Variants in MED13L observed in about 807,000 individuals in gnomAD.
The protein encoded by MED13L is mediator of RNA polymerase II transcription subunit 13-like.
Under a neutral mutation model 220.9 loss-of-function variants are expected in MED13L, and 7 were observed. That is an observed-to-expected ratio of 0.03 (90% CI 0.02 to 0.06). MED13L has a LOEUF of 0.06. MED13L is among the 10% of genes least tolerant of loss of function. MED13L has a pLI of 1.00. For missense variants in MED13L, 1,965 were observed against 2,760.5 expected, an observed-to-expected ratio of 0.71 and a Z score of 6.46; for synonymous variants, 1,011 against 1,015.2, an observed-to-expected ratio of 1.00 and a Z score of 0.08.
At chr12:116,271,006 C>A (rs1191297491) in intron 1 of MED13L, among the ~76,000 whole-genome samples, 8 of 134,428 alleles carry the variant, frequency 6.0e-5, no homozygotes, top group Non-Finnish European at 1.2e-4. Flanking sequence ...CGCACCACTG[C>A]ACTCCAGCCT....
intron 2 of MED13L, among the ~76,000 whole-genome samples, chr12:116,213,604 G>T (rs551114281): frequency 1.3e-5 from 2 of 152,180 alleles, no homozygotes; most frequent in South Asian, 4.1e-4. Context: ...GTAGAGACAG[G>T]GTTTCACCAT....
At chr12:115,985,159 C>CT (rs1877601574) in intron 19 of MED13L, among the ~76,000 whole-genome samples, 4 of 152,138 alleles carry the variant, frequency 2.6e-5, no homozygotes, top group Admixed American at 2.6e-4. Context: ...TCTGTACCCT[C>CT]TTAAAAAGAT....
chr12:115,985,920 T>C (rs1565994302), intron 19 of MED13L, among the ~76,000 whole-genome samples: 2 of 152,188 alleles, frequency 1.3e-5, no homozygotes, highest in African/African-American at 2.4e-5. Flanking sequence ...AAAGAGTAGA[T>C]GTGCTCTTTT....
chr12:116,136,685 A>G (rs1876584512), intron 2 of MED13L, among the ~76,000 whole-genome samples: 1 of 152,242 alleles, frequency 6.6e-6, no homozygotes. Context: ...ATCAGGTGGC[A>G]TATAATATTA....
At chr12:116,022,234 A>G (rs1043100051) in intron 5 of MED13L, among the ~76,000 whole-genome samples, 4 of 152,262 alleles carry the variant, frequency 2.6e-5, no homozygotes, top group African/African-American at 9.6e-5. Flanking sequence ...AATACACATA[A>G]GACCATCTTA....
intron 1 of MED13L, among the ~76,000 whole-genome samples, chr12:116,248,230 T>TA (rs1871242639): frequency 6.6e-6 from 1 of 152,254 alleles, no homozygotes. Context: ...TGAAGTTATT[T>TA]AGTCTTCTGT....
intron 2 of MED13L, among the ~76,000 whole-genome samples, chr12:116,232,326 T>C (rs1258716277): frequency 6.6e-6 from 1 of 152,104 alleles, no homozygotes; most frequent in Non-Finnish European, 1.5e-5. Flanking sequence ...ATATGTCTAA[T>C]AATCAAAAAA....
At chr12:116,120,520 CAG>C (rs1422866393) in intron 2 of MED13L, among the ~76,000 whole-genome samples, 1 of 143,862 alleles carries the variant, frequency 7.0e-6, no homozygotes. Flanking sequence ...CACACACACA[CAG>C]AGTAAGATTT....
Position 116,003,115 on chromosome 12 carries a change from G to C in MED13L, c.2470-13C>G. 1.2e-6 allele frequency: 2 copies of C among 1,608,596 alleles called. No individual in the cohort carries two copies. The highest frequency in any genetic ancestry group is 8.5e-7 in the Non-Finnish European group (1 of 1,175,104). On this transcript the variant is annotated splice_polypyrimidine_tract_variant and intron_variant, in intron 13 of 30. Coordinates refer to ENST00000281928, the MANE Select transcript of MED13L (RefSeq NM_015335.5). ...CAGGTGATACAGCCTAAGAACAGAC[G>C]GTGTTATTAAAACAGAGTGACGTGT... is the stretch of plus-strand genomic sequence containing the variant.
chr12:116,271,064 A>AAAAAAAAAAAG (rs1318089075), intron 1 of MED13L, among the ~76,000 whole-genome samples: 2 of 150,392 alleles, frequency 1.3e-5, no homozygotes, highest in African/African-American at 4.9e-5. Context: ...AAAAAAAAAA[A>AAAAAAAAAAAG]AAAGAAAGAA....
chr12:116,234,469 A>G (rs1869885966), intron 2 of MED13L, among the ~76,000 whole-genome samples: 1 of 152,064 alleles, frequency 6.6e-6, no homozygotes, highest in Admixed American at 6.6e-5. Context: ...AACTCAGGTG[A>G]TCCTCCTGCC....
chr12:116,161,326 G>C (rs148032004), intron 2 of MED13L, among the ~76,000 whole-genome samples: 1 of 152,024 alleles, frequency 6.6e-6, no homozygotes, highest in Non-Finnish European at 1.5e-5. Context: ...TTCTGGAAGT[G>C]GCAAAGTCCT....
intron 4 of MED13L, among the ~76,000 whole-genome samples, chr12:116,034,208 A>T (rs1275395750): frequency 6.6e-6 from 1 of 152,082 alleles, no homozygotes; most frequent in Non-Finnish European, 1.5e-5. Context: ...CATCTTACTA[A>T]ATTTTGTGAG....
chr12:116,019,434 A>G (rs1326827043), intron 6 of MED13L, 22 bp from the exon 7 acceptor site: 2 of 1,611,440 alleles, frequency 1.2e-6, no homozygotes, highest in East Asian at 2.2e-5. Flanking sequence ...GAGAACAAGG[A>G]AAGAATCAGG....
intron 4 of MED13L, among the ~76,000 whole-genome samples, chr12:116,057,984 A>G (rs1343078228): frequency 6.6e-6 from 1 of 152,198 alleles, no homozygotes; most frequent in Non-Finnish European, 1.5e-5. Flanking sequence ...TTATGTACTG[A>G]GACAGCTTTA....
Position 116,005,880 on chromosome 12 carries a change from C to T in MED13L, c.2458G>A (p.Asp820Asn). The change falls in exon 13 of 31, where the codon GAC becomes AAC. Residue 820 changes from aspartate to asparagine, a missense_variant. By Grantham distance (23) the Asp-to-Asn change is conservative. This residue lies in a region of MED13L where 818 missense variants were observed against 1,041.2 expected (regional missense o/e 0.79). Transcript: ENST00000281928. ...TACGGCAAACTCACCCCAAGTTCGTCGTCATCAGAATTATCAAAGATGTTG... is the reference window on the plus strand; with the variant it reads ...TACGGCAAACTCACCCCAAGTTCGTTGTCATCAGAATTATCAAAGATGTTG... Reference protein sequence around the residue: ...LDNIFDNSDDDELGAVSPALR... With the variant: ...LDNIFDNSDDNELGAVSPALR... The T allele has an allele frequency of 4.3e-6, 7 of 1,613,862 alleles. No individual in the cohort carries two copies. The highest frequency in any genetic ancestry group is 5.9e-6 in the Non-Finnish European group (7 of 1,179,788).
chr12:115,974,776 C>T (rs1220188879), intron 25 of MED13L, among the ~76,000 whole-genome samples: 1 of 152,200 alleles, frequency 6.6e-6, no homozygotes, highest in South Asian at 2.1e-4. Flanking sequence ...AACTCATCAT[C>T]AACCACCAAA....
In MED13L at chr12:115,960,243, T is replaced by G. The variant is rs969518295; in HGVS notation, c.*1023A>C. 1 of 152,678 alleles carries G rather than the reference T, an allele frequency of 6.5e-6. No homozygotes were observed. The highest frequency in any genetic ancestry group is 2.4e-5 in the African/African-American group (1 of 41,460). The allele number at this position is 152,678 out of a possible 1,614,324, so 9.5% of individuals were successfully genotyped here. On this transcript the variant is annotated 3_prime_UTR_variant, in exon 31 of 31. Transcript: ENST00000281928. ...AACACTTTCAATTGTTGTATGTACA[T>G]AAGTCCCTTTTGATCTAATGAGAGG...
intron 5 of MED13L, among the ~76,000 whole-genome samples, chr12:116,022,138 T>C (rs1387761091): frequency 1.3e-5 from 2 of 152,236 alleles, no homozygotes; most frequent in African/African-American, 4.8e-5. Context: ...GTGACTTTGG[T>C]CAATTACTCA....
Sources: gnomAD v4.1 joint callset for allele counts (sites outside exome capture counted in the v4.1 genomes callset) on GRCh38, gnomAD v4.1.1 for gene constraint, gnomAD v4.1.1 regional missense constraint, MANE v1.5 for transcripts, NCBI Gene and HGNC (gene_info 2026-07-23, HGNC 2026-07-21) for gene names.